Variants in C2CD4C observed in about 807,000 individuals in gnomAD.
C2CD4C encodes the protein C2 calcium dependent domain containing 4C, also known as C2 calcium-dependent domain-containing protein 4C.
C2CD4C carries 3 observed loss-of-function variants against 4.1 expected under a neutral mutation model. That is an observed-to-expected ratio of 0.73 (90% CI 0.33 to 1.88). The LOEUF (loss-of-function observed/expected upper bound fraction) is 1.88. C2CD4C is among the 40% of genes most tolerant of loss of function. The probability of loss-of-function intolerance (pLI) is 0.08; values close to 1 mark genes in which losing one functional copy is unlikely to be tolerated. For synonymous variants in C2CD4C, 364 were observed against 290.4 expected, an observed-to-expected ratio of 1.25 and a Z score of -2.57; for missense variants, 664 against 621.5, an observed-to-expected ratio of 1.07 and a Z score of -0.73.
chr19:407,536 TC>T lies in C2CD4C; in HGVS notation c.825del (p.Ser276AlafsTer5). The part of the protein sequence containing the change: ...ADDSTPDASP[G>X]SRRRLTRRAP... ...GCCCGGCGGGTCAGGCGGCGCCGGC[TC>T]CCGGGGCTGGCGTCCGGGGTGCTGT... On this transcript the variant is annotated frameshift_variant, in exon 2 of 2. Coordinates refer to ENST00000332235, the MANE Select transcript of C2CD4C (RefSeq NM_001136263.2). LOFTEE classifies it low-confidence loss of function (END_TRUNC). 1 of 1,387,116 alleles carries T rather than the reference TC, an allele frequency of 7.2e-7. No homozygotes were observed. The highest frequency in any genetic ancestry group is 3.0e-5 in the East Asian group (1 of 33,090). The allele number at this position is 1,387,116 out of a possible 1,614,324, so 85.9% of individuals were successfully genotyped here. A position where few individuals can be genotyped will look rare whatever the true frequency, so the allele number is the denominator to read the frequency against.
At position 406,825 on chromosome 19, in the gene C2CD4C, T is replaced by C. The variant is rs897944077; in HGVS notation, c.*271A>G. ...AAGGGGGACCCTCTGCCCCGCGAAG[T>C]GGCCCCTTCTCTTCCCCCGAGGCCC... On this transcript the variant is annotated 3_prime_UTR_variant, in exon 2 of 2. Transcript: ENST00000332235. 10 of 464,322 alleles carry C rather than the reference T, an allele frequency of 2.2e-5. No individual in the cohort carries two copies. Among genetic ancestry groups the C allele is most frequent in the Non-Finnish European group, 3.5e-5 (9 of 260,718 alleles). 28.8% of individuals were successfully genotyped at this position (464,322 alleles called of 1,614,324 possible).
Position 406,825 on chromosome 19 carries a change from TG to T in C2CD4C, c.*270del, listed in dbSNP as rs1275298351. On this transcript the variant is annotated 3_prime_UTR_variant, in exon 2 of 2. Coordinates refer to ENST00000332235, the MANE Select transcript of C2CD4C (RefSeq NM_001136263.2). ...AAGGGGGACCCTCTGCCCCGCGAAG[TG>T]GCCCCTTCTCTTCCCCCGAGGCCCC... is the stretch of plus-strand genomic sequence containing the variant. 1 of 464,440 alleles carries T rather than the reference TG, an allele frequency of 2.2e-6. No individual in the cohort carries two copies. The highest frequency in any genetic ancestry group is 3.8e-6 in the Non-Finnish European group (1 of 260,710). The allele number at this position is 464,440 out of a possible 1,614,324, so 28.8% of individuals were successfully genotyped here.
At position 408,220 on chromosome 19, in the gene C2CD4C, G is replaced by C; in HGVS notation, c.142C>G (p.Pro48Ala). Residue 48 changes from proline (P) to alanine (A), a missense_variant, in exon 2 of 2, where the codon CCC becomes GCC. Pro to Ala is a conservative substitution (Grantham distance 27, BLOSUM62 -1). Transcript: ENST00000332235. ...YSNVLTPDKI[P>A]DFFIPPKLPS... ...AGCTTGGGGGGGATGAAAAAGTCGG[G>C]GATCTTGTCGGGCGTCAACACATTG... The C allele has an allele frequency of 6.8e-7, 1 of 1,463,142 alleles. No homozygotes were observed. Among genetic ancestry groups the C allele is most frequent in the Non-Finnish European group, 9.0e-7 (1 of 1,108,212 alleles). 90.6% of individuals were successfully genotyped at this position (1,463,142 alleles called of 1,614,324 possible).
Position 408,175 on chromosome 19 carries a change from C to T in C2CD4C, c.187G>A (p.Gly63Ser), listed in dbSNP as rs1447515438. The change falls in exon 2 of 2, where the codon GGC (glycine) becomes AGC (serine). Residue 63 changes from glycine (G) to serine (S), a missense_variant. Physicochemically the swap from Gly to Ser is moderately conservative, Grantham distance 56. Coordinates refer to ENST00000332235, the MANE Select transcript of C2CD4C (RefSeq NM_001136263.2). ...PPKLPSGPAE[G>S]EGQAALGPST... ...GGGCCCAGCGCGGCCTGTCCCTCGC[C>T]CTCCGCGGGGCCCGAGGGCAGCTTG... The T allele has an allele frequency of 6.9e-7, 1 of 1,451,664 alleles. No individual in the cohort carries two copies. 89.9% of individuals were successfully genotyped at this position (1,451,664 alleles called of 1,614,324 possible).
In C2CD4C at chr19:408,091, G is replaced by A. The variant is rs940560951; in HGVS notation, c.271C>T (p.Arg91Trp). The A allele has an allele frequency of 3.3e-6, 5 of 1,494,184 alleles. No homozygotes were observed. The highest frequency in any genetic ancestry group is 4.4e-6 in the Non-Finnish European group (5 of 1,124,328). 92.6% of individuals were successfully genotyped at this position (1,494,184 alleles called of 1,614,324 possible). A position where few individuals can be genotyped will look rare whatever the true frequency, so the allele number is the denominator to read the frequency against. ...AAPRQTPRSP[R>W]LPAKLAAESK... Reference sequence around the variant, plus strand: ...TCGGCTGCCAGCTTGGCAGGCAGCCGGGGGCTCCGTGGGGTCTGGCGGGGG... The same window carrying A: ...TCGGCTGCCAGCTTGGCAGGCAGCCAGGGGCTCCGTGGGGTCTGGCGGGGG... The change falls in exon 2 of 2, where the codon CGG becomes TGG. Residue 91 changes from arginine to tryptophan, a missense_variant. Coordinates refer to ENST00000332235, the MANE Select transcript of C2CD4C (RefSeq NM_001136263.2).
rs1973998986 is a variant in C2CD4C at position 406,892 on chromosome 19, A to G, written c.*204T>C. 1.8e-6 allele frequency: 1 copy of G among 541,858 alleles called. No individual in the cohort carries two copies. The highest frequency in any genetic ancestry group is 3.2e-6 in the Non-Finnish European group (1 of 312,314). The allele number at this position is 541,858 out of a possible 1,614,324, so 33.6% of individuals were successfully genotyped here. On this transcript the variant is annotated 3_prime_UTR_variant, in exon 2 of 2. Coordinates refer to ENST00000332235, the MANE Select transcript of C2CD4C (RefSeq NM_001136263.2). ...CCTCCTCCAAAGGAGAAATTAATTCATGAAAAATAATACTCCAGTCAGCAT... is the reference window on the plus strand; with the variant it reads ...CCTCCTCCAAAGGAGAAATTAATTCGTGAAAAATAATACTCCAGTCAGCAT...
In C2CD4C at chr19:405,742, CAG is replaced by C. The variant is rs1406393882; in HGVS notation, c.*1352_*1353del. The C allele has an allele frequency of 1.3e-5, 2 of 152,188 alleles. No individual in the cohort carries two copies. The highest frequency in any genetic ancestry group is 3.9e-4 in the East Asian group (2 of 5,176). 9.4% of individuals were successfully genotyped at this position (152,188 alleles called of 1,614,324 possible). A position where few individuals can be genotyped will look rare whatever the true frequency, so the allele number is the denominator to read the frequency against. On this transcript the variant is annotated 3_prime_UTR_variant, in exon 2 of 2. Coordinates refer to ENST00000332235, the MANE Select transcript of C2CD4C (RefSeq NM_001136263.2). ...GAGCGGAGCCCTGCAACACCAGGCT[CAG>C]AAGGGGCCTGCACTCTCCCTCTGGA...
rs1061150 is a variant in C2CD4C at position 405,593 on chromosome 19, A to G, written c.*1503T>C. 57,238 of 152,076 alleles carry G rather than the reference A, an allele frequency of 0.38. 12,350 individuals carry two copies. The highest frequency in any genetic ancestry group is 0.6 in the African/African-American group (25,007 of 41,436). The allele number at this position is 152,076 out of a possible 1,614,324, so 9.4% of individuals were successfully genotyped here. On this transcript the variant is annotated 3_prime_UTR_variant, in exon 2 of 2. Coordinates refer to ENST00000332235, the MANE Select transcript of C2CD4C (RefSeq NM_001136263.2). ...CTAAACGGGGGACCCCAGGGAGAAC[A>G]GGGCCTGGGAGGGGTGAGCATCAGA... is the stretch of plus-strand genomic sequence containing the variant.
chr19:408,002 C>G lies in C2CD4C; in HGVS notation c.360G>C (p.Trp120Cys), dbSNP rs1365608149. 1 of 1,548,752 alleles carries G rather than the reference C, an allele frequency of 6.5e-7. No homozygotes were observed. The highest frequency in any genetic ancestry group is 8.7e-7 in the Non-Finnish European group (1 of 1,146,452). The stretch of plus-strand genomic sequence containing the variant: ...CGGCGTCAGTGGCCTCCTCGGACAG[C>G]CAGTCCTCGGCACTCTCGATCTGGA... ...HVIQIESAED[W>C]LSEEATDADP... Residue 120 changes from tryptophan to cysteine, a missense_variant, in exon 2 of 2, where the codon TGG (tryptophan) becomes TGC (cysteine). Trp to Cys is a radical substitution (Grantham distance 215). Coordinates refer to ENST00000332235, the MANE Select transcript of C2CD4C (RefSeq NM_001136263.2).
intron 1 of C2CD4C, 67 bp from the exon 2 acceptor site, chr19:408,468 C>T (rs764550564): frequency 4.4e-6 from 4 of 917,710 alleles, no homozygotes; most frequent in Non-Finnish European, 4.5e-6. Flanking sequence ...GCACCTGCTC[C>T]CTGTGGGGCC....
rs1267132206 is a variant in C2CD4C at position 407,774 on chromosome 19, GCCC to G, written c.585_587del (p.Gly196del). The G allele has an allele frequency of 3.3e-6, 5 of 1,518,144 alleles. No individual in the cohort carries two copies. Among genetic ancestry groups the G allele is most frequent in the Middle Eastern group, 1.7e-4 (1 of 5,744 alleles). 94.0% of individuals were successfully genotyped at this position (1,518,144 alleles called of 1,614,324 possible). On this transcript the variant is annotated inframe_deletion, in exon 2 of 2. Transcript: ENST00000332235. ...TGAGGGCCCCGCCAGCCTCCCTGGGGCCCCCATCACCCCCGTTGGCCTTGGCAG... is the reference window on the plus strand; with the variant it reads ...TGAGGGCCCCGCCAGCCTCCCTGGGGCCATCACCCCCGTTGGCCTTGGCAG...
In C2CD4C at chr19:407,009, CAGCGGA is replaced by C; in HGVS notation, c.*81_*86del. 8.0e-6 allele frequency: 10 copies of C among 1,253,166 alleles called. No homozygotes were observed. The highest frequency in any genetic ancestry group is 1.5e-5 in the African/African-American group (1 of 66,414). 77.6% of individuals were successfully genotyped at this position (1,253,166 alleles called of 1,614,324 possible). A position where few individuals can be genotyped will look rare whatever the true frequency, so the allele number is the denominator to read the frequency against. ...CTCCCCGGCCAGCCCCAGCCCAAGC[CAGCGGA>C]CCCGCCCGCCAGCACCCGGTGTGGA... On this transcript the variant is annotated 3_prime_UTR_variant, in exon 2 of 2. Coordinates refer to ENST00000332235, the MANE Select transcript of C2CD4C (RefSeq NM_001136263.2).
At chr19:408,470 T>G (rs1427518450) in intron 1 of C2CD4C, 69 bp from the exon 2 acceptor site, 11 of 553,480 alleles carry the variant, frequency 2.0e-5, no homozygotes, top group East Asian at 2.1e-4. Context: ...ACCTGCTCCC[T>G]GTGGGGCCTC....
Position 408,053 on chromosome 19 carries a change from C to T in C2CD4C, c.309G>A (p.Leu103=), listed in dbSNP as rs1454667183. 1.6e-5 allele frequency: 24 copies of T among 1,535,790 alleles called. No homozygotes were observed. The highest frequency in any genetic ancestry group is 2.1e-5 in the Non-Finnish European group (24 of 1,140,878). ...PAKLAAESKS[L]LKAATRHVIQ... ...TCACGTGCCGGGTGGCTGCCTTCAG[C>T]AGGCTCTTGCTCTCGGCTGCCAGCT... Residue 103 remains leucine, a synonymous_variant, in exon 2 of 2, where the codon CTG becomes CTA. Coordinates refer to ENST00000332235, the MANE Select transcript of C2CD4C (RefSeq NM_001136263.2).
In C2CD4C at chr19:407,496, C is replaced by A; in HGVS notation, c.866G>T (p.Gly289Val). The change falls in exon 2 of 2, where the codon GGC (glycine) becomes GTC (valine). Residue 289 changes from glycine (G) to valine (V), a missense_variant. Coordinates refer to ENST00000332235, the MANE Select transcript of C2CD4C (RefSeq NM_001136263.2). ...CCCACGCGCCTGGCCCGACTCGGGGCCAGGTTCCGGGGGTGCCCGGCGGGT... is the reference window on the plus strand; with the variant it reads ...CCCACGCGCCTGGCCCGACTCGGGGACAGGTTCCGGGGGTGCCCGGCGGGT... The part of the protein sequence containing the change: ...RLTRRAPPEP[G>V]PESGQARGEH... The A allele has an allele frequency of 7.2e-7, 1 of 1,381,840 alleles. No individual in the cohort carries two copies. Among genetic ancestry groups the A allele is most frequent in the Non-Finnish European group, 9.3e-7 (1 of 1,071,622 alleles). The allele number at this position is 1,381,840 out of a possible 1,614,324, so 85.6% of individuals were successfully genotyped here. A position where few individuals can be genotyped will look rare whatever the true frequency, so the allele number is the denominator to read the frequency against.
rs1481430949 is a variant in C2CD4C, at chr19:407,209, C to T, written c.1153G>A (p.Val385Ile). 29 of 1,550,146 alleles carry T rather than the reference C, an allele frequency of 1.9e-5. No homozygotes were observed. In the South Asian group the frequency reaches 2.3e-4, roughly 12 times the overall value. ...TTGATCCTGAGGGCCAGTTTCCGGA[C>T]GCTGGCGGGCCCCAGGCCGTCGAAG... The part of the protein sequence containing the change: ...FFFDGLGPAS[V>I]RKLALRIKVV... The change falls in exon 2 of 2, where the codon GTC (valine) becomes ATC (isoleucine). Residue 385 changes from valine (V) to isoleucine (I), a missense_variant. By Grantham distance (29) the Val-to-Ile change is conservative. Coordinates refer to ENST00000332235, the MANE Select transcript of C2CD4C (RefSeq NM_001136263.2).
rs375352922 is a variant in C2CD4C, at chr19:406,113, C to G, written c.*983G>C. 1.3e-5 allele frequency: 2 copies of G among 152,468 alleles called. No individual in the cohort carries two copies. The highest frequency in any genetic ancestry group is 3.9e-4 in the East Asian group (2 of 5,186). 9.4% of individuals were successfully genotyped at this position (152,468 alleles called of 1,614,324 possible). A position where few individuals can be genotyped will look rare whatever the true frequency, so the allele number is the denominator to read the frequency against. ...CAGGAAAGGCCATAGCCAGGTCCCC[C>G]CAGCTGCCTCCTGGGCTCCGACCCA... is the stretch of plus-strand genomic sequence containing the variant. On this transcript the variant is annotated 3_prime_UTR_variant, in exon 2 of 2. Coordinates refer to ENST00000332235, the MANE Select transcript of C2CD4C (RefSeq NM_001136263.2).
chr19:406,032 A>G lies in C2CD4C; in HGVS notation c.*1064T>C, dbSNP rs1973978785. The G allele has an allele frequency of 6.6e-6, 1 of 152,260 alleles. No homozygotes were observed. Among genetic ancestry groups the G allele is most frequent in the South Asian group, 2.1e-4 (1 of 4,830 alleles). 9.4% of individuals were successfully genotyped at this position (152,260 alleles called of 1,614,324 possible). ...TCATTCTGAGCTGGAAACCTCCCCAAAATCATTCAAGGACCCACATAACCA... is the reference window on the plus strand; with the variant it reads ...TCATTCTGAGCTGGAAACCTCCCCAGAATCATTCAAGGACCCACATAACCA... On this transcript the variant is annotated 3_prime_UTR_variant, in exon 2 of 2. Transcript: ENST00000332235.
chr19:408,748 A>C (rs986010417), intron 1 of C2CD4C, among the ~76,000 whole-genome samples: 3 of 152,140 alleles, frequency 2.0e-5, no homozygotes, highest in African/African-American at 7.2e-5. Context: ...GCTCAGTCCC[A>C]GGGGAAGACA....
Sources: gnomAD v4.1 joint callset for allele counts (sites outside exome capture counted in the v4.1 genomes callset) on GRCh38, gnomAD v4.1.1 for gene constraint, MANE v1.5 for transcripts, NCBI Gene and HGNC (gene_info 2026-07-23, HGNC 2026-07-21) for gene names.